Variants in DACH2 observed in about 807,000 individuals in gnomAD.
DACH2 encodes the protein dachshund family transcription factor 2, also known as dachshund homolog 2.
Under a neutral mutation model 35.8 loss-of-function variants are expected in DACH2, and 17 were observed. The ratio of observed to expected loss-of-function variants is 0.48; its 90% CI spans 0.33 to 0.71. DACH2 has a LOEUF of 0.71. Ranked by LOEUF, DACH2 falls within the 30% of genes least tolerant of loss-of-function variation. The pLI is 0.02. For synonymous variants in DACH2, 195 were observed against 177.3 expected, an observed-to-expected ratio of 1.10 and a Z score of -0.79; for missense variants, 469 against 472.7, an observed-to-expected ratio of 0.99 and a Z score of 0.07.
At chrX:86,348,528 A>G (rs1470544271) in intron 1 of DACH2, among the ~76,000 whole-genome samples, 3 of 112,005 alleles carry the variant, frequency 2.7e-5, no homozygotes, top group Non-Finnish European at 5.6e-5. Context: ...TTGTTACAGA[A>G]TCAGTCAGCC....
intron 4 of DACH2, among the ~76,000 whole-genome samples, chrX:86,667,540 AGAAAGAAG>A (rs1286104066): frequency 6.4e-4 from 34 of 52,725 alleles, no homozygotes; most frequent in Non-Finnish European, 1.1e-3. Flanking sequence ...AAAGAAAGAA[AGAAAGAAG>A]AAAGAAAGAA....
intron 7 of DACH2, among the ~76,000 whole-genome samples, chrX:86,792,682 A>T (rs1270252212): frequency 1.8e-5 from 2 of 111,485 alleles, no homozygotes; most frequent in Non-Finnish European, 3.8e-5. Context: ...TATTCCATCT[A>T]TGTTGCTGCA....
chrX:86,511,561 G>A (rs1036587235), intron 2 of DACH2, among the ~76,000 whole-genome samples: 5 of 111,522 alleles, frequency 4.5e-5, no homozygotes, highest in African/African-American at 1.6e-4. Context: ...GGCAAAACTT[G>A]TTCTAGGTTC....
At chrX:86,210,363 G>A (rs1304237574) in intron 1 of DACH2, among the ~76,000 whole-genome samples, 1 of 110,859 alleles carries the variant, frequency 9.0e-6, no homozygotes, top group Non-Finnish European at 1.9e-5. Flanking sequence ...TTTTCATTTA[G>A]GATGTGTATA....
intron 7 of DACH2, among the ~76,000 whole-genome samples, chrX:86,754,471 T>A (rs1380043862): frequency 1.8e-5 from 2 of 111,332 alleles, no homozygotes; most frequent in Admixed American, 9.6e-5. Flanking sequence ...TAATACACTG[T>A]TTTTATTATA....
chrX:86,676,556 T>C (rs762670119), intron 4 of DACH2, among the ~76,000 whole-genome samples: 1 of 111,951 alleles, frequency 8.9e-6, no homozygotes, highest in South Asian at 3.7e-4. Context: ...TCCATCATAG[T>C]AGGGTTGGTG....
intron 2 of DACH2, among the ~76,000 whole-genome samples, chrX:86,430,302 T>G (rs1211676831): frequency 8.9e-6 from 1 of 112,272 alleles, no homozygotes; most frequent in Non-Finnish European, 1.9e-5. Context: ...GTGCTGTGAG[T>G]GTAAAATACA....
At chrX:86,459,815 T>A (rs1245017477) in intron 2 of DACH2, among the ~76,000 whole-genome samples, 3 of 110,903 alleles carry the variant, frequency 2.7e-5, no homozygotes, top group Non-Finnish European at 5.7e-5. Context: ...TTACTCAAAT[T>A]CTCTTTGATA....
intron 3 of DACH2, among the ~76,000 whole-genome samples, chrX:86,575,810 A>G (rs777050977): frequency 8.9e-6 from 1 of 111,771 alleles, no homozygotes; most frequent in African/African-American, 3.2e-5. Context: ...GGGAGAACTT[A>G]GTCCCATGGT....
chrX:86,280,856 G>A (rs1373363832), intron 1 of DACH2, among the ~76,000 whole-genome samples: 2 of 111,436 alleles, frequency 1.8e-5, no homozygotes, highest in Non-Finnish European at 3.8e-5. Context: ...GACAAAGAAG[G>A]GCATTACATG....
chrX:86,186,222 A>G (rs1462109673), intron 1 of DACH2, among the ~76,000 whole-genome samples: 2 of 112,718 alleles, frequency 1.8e-5, no homozygotes. Context: ...ACATAAAATT[A>G]AAATTATGTA....
At chrX:86,182,808 G>GT (rs141017521) in intron 1 of DACH2, among the ~76,000 whole-genome samples, 51 of 110,524 alleles carry the variant, frequency 4.6e-4, no homozygotes, top group Non-Finnish European at 7.4e-4. Flanking sequence ...CTATCCATGA[G>GT]ATGGAATGTT....
At chrX:86,797,196 T>C (rs73631970) in intron 7 of DACH2, among the ~76,000 whole-genome samples, 9 of 110,749 alleles carry the variant, frequency 8.1e-5, no homozygotes, top group African/African-American at 2.6e-4. Context: ...GAGGAGAAAA[T>C]GATAGTGACT....
At chrX:86,578,796 T>C (rs948854980) in intron 3 of DACH2, among the ~76,000 whole-genome samples, 4 of 111,938 alleles carry the variant, frequency 3.6e-5, no homozygotes, top group Admixed American at 1.9e-4. Context: ...TCAAGGAATG[T>C]TATTACTGGG....
intron 1 of DACH2, among the ~76,000 whole-genome samples, chrX:86,302,438 G>A (rs1228187876): frequency 9.0e-6 from 1 of 111,468 alleles, no homozygotes; most frequent in Non-Finnish European, 1.9e-5. Context: ...ACATTTCCAT[G>A]GGGTAACAGA....
chrX:86,292,293 G>C (rs916403613), intron 1 of DACH2, among the ~76,000 whole-genome samples: 12 of 96,760 alleles, frequency 1.2e-4, no homozygotes, highest in African/African-American at 4.7e-4. Flanking sequence ...ATTTTTTATT[G>C]CGTTGATTTG....
intron 3 of DACH2, among the ~76,000 whole-genome samples, chrX:86,613,752 T>C (rs2039973143): frequency 9.0e-6 from 1 of 111,688 alleles, no homozygotes; most frequent in African/African-American, 3.3e-5. Flanking sequence ...ATTTTTCTTA[T>C]AAAACATAAT....
intron 1 of DACH2, among the ~76,000 whole-genome samples, chrX:86,315,236 G>A (rs1398561072): frequency 3.6e-5 from 4 of 111,965 alleles, no homozygotes; most frequent in African/African-American, 9.7e-5. Context: ...ACAAAACTTG[G>A]ACGACAGACT....
intron 2 of DACH2, among the ~76,000 whole-genome samples, chrX:86,400,977 G>T (rs998068191): frequency 8.9e-6 from 1 of 112,485 alleles, no homozygotes; most frequent in Admixed American, 9.3e-5. Context: ...GCACCCAGAG[G>T]TGGAGCCTAC....
Sources: gnomAD v4.1 joint callset for allele counts (sites outside exome capture counted in the v4.1 genomes callset) on GRCh38, gnomAD v4.1.1 for gene constraint, MANE v1.5 for transcripts, NCBI Gene and HGNC (gene_info 2026-07-23, HGNC 2026-07-21) for gene names.